The following XPO4 variants were observed in gnomAD, a reference collection of about 807,000 sequenced individuals.
XPO4 encodes exportin-4.
XPO4 carries 39 observed loss-of-function variants against 143.0 expected under a neutral mutation model. That is an observed-to-expected ratio of 0.27 (90% CI 0.21 to 0.36). The LOEUF (loss-of-function observed/expected upper bound fraction) is 0.36. Ranked by LOEUF, XPO4 falls within the 10% of genes least tolerant of loss-of-function variation. The pLI is 1.00. For synonymous variants in XPO4, 439 were observed against 474.0 expected (o/e 0.93, Z 0.96); for missense variants, 907 against 1,348.0 (o/e 0.67, Z 5.12).
In XPO4 at chr13:20,831,048, A is replaced by G. The variant is rs2059846456; in HGVS notation, c.728-3869T>C. On this transcript the variant is annotated intron_variant, in intron 6 of 22. Transcript: ENST00000255305. ...CAGGTATTCTCAAATGACTATTTCT[A>G]TCTGTATGTATAAGAAATAAAAAAA... Among the ~76,000 whole-genome samples the G allele has an allele frequency of 5.3e-5, 8 of 152,112 alleles. No individual in the cohort carries two copies. In the South Asian group the frequency reaches 1.7e-3, roughly 32 times the overall value.
chr13:20,818,590 T>C (rs560353710), intron 9 of XPO4, among the ~76,000 whole-genome samples: 2 of 152,152 alleles, frequency 1.3e-5, no homozygotes, highest in Non-Finnish European at 2.9e-5. Flanking sequence ...AAAAGAAGCT[T>C]TCAATATTTC....
intron 6 of XPO4, among the ~76,000 whole-genome samples, chr13:20,839,734 A>G (rs2059954982): frequency 6.6e-6 from 1 of 152,082 alleles, no homozygotes; most frequent in Non-Finnish European, 1.5e-5. Flanking sequence ...TGTAATCCCA[A>G]CACTTTGGCA....
At chr13:20,863,226 A>C (rs2060217086) in intron 2 of XPO4, 1 of 524,304 alleles carries the variant, frequency 1.9e-6, no homozygotes, top group Non-Finnish European at 2.5e-6. Context: ...TTTGTATCTG[A>C]AAAACATTTT....
intron 1 of XPO4, among the ~76,000 whole-genome samples, chr13:20,873,779 C>T (rs2060325773): frequency 6.6e-6 from 1 of 152,120 alleles, no homozygotes; most frequent in South Asian, 2.1e-4. Flanking sequence ...TACAGGCACG[C>T]ACCACCATGC....
chr13:20,870,493 G>A (rs1219631490), intron 1 of XPO4, among the ~76,000 whole-genome samples: 4 of 151,840 alleles, frequency 2.6e-5, no homozygotes, highest in East Asian at 1.9e-4. Context: ...GCTCATGCCC[G>A]TAATCCCAAC....
intron 3 of XPO4, chr13:20,857,862 G>A (rs2060159958): frequency 1.0e-6 from 1 of 985,306 alleles, no homozygotes; most frequent in South Asian, 4.7e-5. Context: ...CTTTCATAAA[G>A]GACATTGTGC....
intron 6 of XPO4, among the ~76,000 whole-genome samples, chr13:20,839,837 G>A (rs2059955791): frequency 6.6e-6 from 1 of 152,062 alleles, no homozygotes; most frequent in South Asian, 2.1e-4. Context: ...ATAAAAATAA[G>A]CTGGGTGTGG....
chr13:20,848,201 A>T, intron 4 of XPO4: 4 of 968,488 alleles, frequency 4.1e-6, no homozygotes, highest in Non-Finnish European at 4.9e-6. Context: ...CTCACAGGTT[A>T]GAAACCAAAT....
chr13:20,843,165 T>G, intron 5 of XPO4, 117 bp from the exon 6 acceptor site: 1 of 1,042,374 alleles, frequency 9.6e-7, no homozygotes, highest in Non-Finnish European at 1.3e-6. Context: ...CACCATTTCC[T>G]TAAGAACGTG....
At chr13:20,829,356 A>T (rs987400736) in intron 6 of XPO4, among the ~76,000 whole-genome samples, 2 of 152,238 alleles carry the variant, frequency 1.3e-5, no homozygotes, top group African/African-American at 4.8e-5. Flanking sequence ...CAAATGAAAT[A>T]TAACTAGGAA....
chr13:20,810,806 A>C (rs181206441), intron 9 of XPO4, among the ~76,000 whole-genome samples: 274 of 152,370 alleles, frequency 1.8e-3, no homozygotes, highest in African/African-American at 6.3e-3. Context: ...TATACGCTTC[A>C]AGATAGTCTC....
At chr13:20,815,753 G>C (rs2059641788) in intron 9 of XPO4, among the ~76,000 whole-genome samples, 1 of 152,124 alleles carries the variant, frequency 6.6e-6, no homozygotes, top group African/African-American at 2.4e-5. Context: ...AAAATCTTAT[G>C]TCTACAGAAT....
intron 1 of XPO4, among the ~76,000 whole-genome samples, chr13:20,880,060 G>C (rs539108948): frequency 6.6e-6 from 1 of 152,302 alleles, no homozygotes; most frequent in East Asian, 1.9e-4. Context: ...AAAATAACAA[G>C]TGTTGATGAG....
chr13:20,856,080 C>A (rs553361158), intron 3 of XPO4, among the ~76,000 whole-genome samples: 3 of 152,216 alleles, frequency 2.0e-5, no homozygotes, highest in African/African-American at 7.2e-5. Flanking sequence ...ACATACTAAG[C>A]ACTATACAAG....
intron 19 of XPO4, 99 bp from the exon 20 acceptor site, chr13:20,788,715 A>G (rs2056104817): frequency 8.4e-7 from 1 of 1,187,960 alleles, no homozygotes; most frequent in African/African-American, 1.6e-5. Flanking sequence ...TTCTAAATAT[A>G]ATGATTTCTT....
chr13:20,862,751 T>A lies in XPO4; in HGVS notation c.283A>T (p.Thr95Ser). The change falls in exon 3 of 23, where the codon ACA (threonine) becomes TCA (serine). Residue 95 changes from threonine (T) to serine (S), a missense_variant. Coordinates refer to ENST00000255305, the MANE Select transcript of XPO4 (RefSeq NM_022459.5). ...TGTAAGACATAGGTTAAAAGGAATG[T>A]TCGCAGAGACTCGATGCTACCTTTT... Reference protein sequence around the residue: ...LEKGSIESLRTFLLTYVLQRP... With the variant: ...LEKGSIESLRSFLLTYVLQRP... 6.2e-7 allele frequency: 1 copy of A among 1,614,182 alleles called. No homozygotes were observed.
Position 20,809,844 on chromosome 13 carries a change from A to C in XPO4, c.1297T>G (p.Phe433Val). 6.2e-7 allele frequency: 1 copy of C among 1,613,810 alleles called. No individual in the cohort carries two copies. The highest frequency in any genetic ancestry group is 8.5e-7 in the Non-Finnish European group (1 of 1,179,850). ...GFFTQHAVQV[F>V]NSYIQCHLAA... The stretch of plus-strand genomic sequence containing the variant: ...AGGTGGCACTGAATATAGGAATTGA[A>C]AACTTGAACTGCATGTTGGGTAAAA... Residue 433 changes from phenylalanine to valine, a missense_variant, in exon 10 of 23, where the codon TTC becomes GTC. Coordinates refer to ENST00000255305, the MANE Select transcript of XPO4 (RefSeq NM_022459.5).
chr13:20,789,788 G>A (rs1205815129), intron 19 of XPO4, among the ~76,000 whole-genome samples: 2 of 151,884 alleles, frequency 1.3e-5, no homozygotes, highest in African/African-American at 4.8e-5. Context: ...ATGCACATGT[G>A]CACATACACA....
At chr13:20,826,643 C>T (rs187906246) in intron 7 of XPO4, among the ~76,000 whole-genome samples, 6 of 152,308 alleles carry the variant, frequency 3.9e-5, no homozygotes, top group African/African-American at 1.2e-4. Context: ...TCTCATTAAA[C>T]TTGCTTCGTT....
Sources: gnomAD v4.1 joint callset for allele counts (sites outside exome capture counted in the v4.1 genomes callset) on GRCh38, gnomAD v4.1.1 for gene constraint, MANE v1.5 for transcripts, NCBI Gene and HGNC (gene_info 2026-07-23, HGNC 2026-07-21) for gene names.